The following MYO18B variants were observed in gnomAD, a reference collection of about 807,000 sequenced individuals.
MYO18B encodes myosin XVIIIB.
A neutral mutation model predicts 273.0 loss-of-function variants in MYO18B; 204 were observed. The observed-to-expected ratio is 0.75, with a 90% CI of 0.67 to 0.84. The LOEUF (loss-of-function observed/expected upper bound fraction) is 0.84, where lower values mean the gene tolerates loss of function less well. MYO18B is among the 40% of genes least tolerant of loss of function. The probability of loss-of-function intolerance (pLI) is 0.00; values close to 1 mark genes in which losing one functional copy is unlikely to be tolerated. For missense variants in MYO18B, 3,212 were observed against 3,287.6 expected, an observed-to-expected ratio of 0.98 and a Z score of 0.56; for synonymous variants, 1,330 against 1,305.7, an observed-to-expected ratio of 1.02 and a Z score of -0.40.
the MYO18B span, among the ~76,000 whole-genome samples, chr22:26,046,763 A>G: frequency 6.6e-6 from 1 of 152,248 alleles, no homozygotes; most frequent in Non-Finnish European, 1.5e-5. Context: ...CATTCCAAAT[A>G]AAAACAAAAT....
intron 36 of MYO18B, among the ~76,000 whole-genome samples, chr22:25,948,519 T>TCCTTCCTCCTTCCTTCCTTC (rs369829547): frequency 6.9e-4 from 6 of 8,736 alleles, no homozygotes; most frequent in Non-Finnish European, 4.0e-4. Context: ...TCTCTTTCCT[T>TCCTTCCTCCTTCCTTCCTTC]CTTTCTTTCT....
chr22:25,877,527 G>C (rs994949487), intron 24 of MYO18B, among the ~76,000 whole-genome samples: 1 of 152,124 alleles, frequency 6.6e-6, no homozygotes, highest in African/African-American at 2.4e-5. Context: ...GAGTGCAGTG[G>C]TGCTATCTCG....
At chr22:25,931,302 G>A (rs2092497079) in intron 34 of MYO18B, among the ~76,000 whole-genome samples, 1 of 152,216 alleles carries the variant, frequency 6.6e-6, no homozygotes, top group Admixed American at 6.5e-5. Flanking sequence ...AGTGGGAAGA[G>A]GCTGGTTTCA....
At chr22:25,904,558 A>G (rs1242021735) in intron 31 of MYO18B, among the ~76,000 whole-genome samples, 1 of 152,234 alleles carries the variant, frequency 6.6e-6, no homozygotes, top group African/African-American at 2.4e-5. Flanking sequence ...TTCGGGGCAG[A>G]TTGAAGTGCT....
intron 21 of MYO18B, among the ~76,000 whole-genome samples, chr22:25,857,139 A>G (rs922094145): frequency 5.3e-5 from 8 of 152,066 alleles, no homozygotes; most frequent in African/African-American, 1.4e-4. Flanking sequence ...ACCTACACCA[A>G]AGCCTACATA....
In MYO18B at chr22:25,768,238, G is replaced by A; in HGVS notation, c.322G>A (p.Glu108Lys). 6 of 1,614,014 alleles carry A rather than the reference G, an allele frequency of 3.7e-6. No homozygotes were observed. Among genetic ancestry groups the A allele is most frequent in the Non-Finnish European group, 4.2e-6 (5 of 1,179,904 alleles). Residue 108 changes from glutamate to lysine, a missense_variant, in exon 4 of 44, where the codon GAG (glutamate) becomes AAG (lysine). Physicochemically the swap from Glu to Lys is moderately conservative, Grantham distance 56. Transcript: ENST00000335473. ...SPGSSDILGKESEGSRSPDPE... is the reference protein window; with the variant it reads ...SPGSSDILGKKSEGSRSPDPE... ...TGGGAGCTCAGACATTCTGGGCAAG[G>A]AGAGCGAGGGGTCCCGCAGCCCCGA...
At chr22:25,970,539 C>T (rs2038687398) in intron 39 of MYO18B, among the ~76,000 whole-genome samples, 1 of 152,144 alleles carries the variant, frequency 6.6e-6, no homozygotes, top group Non-Finnish European at 1.5e-5. Context: ...CTGCATGTCA[C>T]CTCTGCCGCC....
chr22:25,961,716 AG>A, intron 39 of MYO18B, among the ~76,000 whole-genome samples: 1 of 152,302 alleles, frequency 6.6e-6, no homozygotes, highest in South Asian at 2.1e-4. Context: ...GCTGACGGGA[AG>A]GTCTGACTTC....
chr22:25,943,381 C>T (rs1249779829), intron 34 of MYO18B, among the ~76,000 whole-genome samples: 1 of 152,178 alleles, frequency 6.6e-6, no homozygotes, highest in Admixed American at 6.5e-5. Context: ...GCCCTATTTG[C>T]AATCTGGTCC....
At position 25,797,952 on chromosome 22, in the gene MYO18B, G is replaced by T; in HGVS notation, c.2377-1G>T. ...TTCTTCCTCTCTCCCTTTGCCCGCA[G>T]CCTGAAGATAAACAGAAGGCGGCAG... On this transcript the variant is annotated splice_acceptor_variant, in intron 11 of 43. Transcript: ENST00000335473. LOFTEE classifies it high-confidence loss of function. 1 of 1,614,014 alleles carries T rather than the reference G, an allele frequency of 6.2e-7. No homozygotes were observed.
intron 1 of MYO18B, among the ~76,000 whole-genome samples, chr22:25,744,819 C>T (rs887564708): frequency 2.0e-5 from 3 of 151,906 alleles, no homozygotes; most frequent in Non-Finnish European, 4.4e-5. Context: ...AGGGAGGATC[C>T]CCCTCCCCTC....
chr22:26,028,113 C>T (rs1384440414), intron 43 of MYO18B, among the ~76,000 whole-genome samples: 3 of 151,930 alleles, frequency 2.0e-5, no homozygotes, highest in East Asian at 1.9e-4. Context: ...GGTGTCTTGA[C>T]GGGCGCCTGT....
chr22:25,997,969 A>AC (rs1179612194), intron 40 of MYO18B, among the ~76,000 whole-genome samples: 5 of 125,674 alleles, frequency 4.0e-5, no homozygotes, highest in Non-Finnish European at 8.9e-5. Flanking sequence ...ACACACACAC[A>AC]CACACACACG....
chr22:25,855,374 C>T (rs2090540143), intron 21 of MYO18B, among the ~76,000 whole-genome samples: 1 of 150,400 alleles, frequency 6.6e-6, no homozygotes, highest in African/African-American at 2.4e-5. Context: ...AGCTCTGCCT[C>T]CCGGGTTCAC....
Position 25,772,341 on chromosome 22 carries a change from C to A in MYO18B, c.1700C>A (p.Pro567His). The change falls in exon 7 of 44, where the codon CCT becomes CAT. Residue 567 changes from proline to histidine, a missense_variant. Transcript: ENST00000335473. ...TGTGTGATGGTTTCACAGGCCAACC[C>A]TCCTGAGCTGGACCAGGTCGAGGAC... ...VDEEHVHRAN[P>H]PELDQVEDLA... The A allele has an allele frequency of 6.2e-7, 1 of 1,613,604 alleles. No homozygotes were observed. Among genetic ancestry groups the A allele is most frequent in the Non-Finnish European group, 8.5e-7 (1 of 1,179,666 alleles).
intron 7 of MYO18B, among the ~76,000 whole-genome samples, 155 bp from the exon 8 acceptor site, chr22:25,777,425 GCTC>G (rs1298454821): frequency 2.6e-5 from 4 of 152,232 alleles, no homozygotes; most frequent in Non-Finnish European, 2.9e-5. Flanking sequence ...TACAGGCTTG[GCTC>G]CTCCTAGTCG....
chr22:25,934,989 C>T (rs868563715), intron 34 of MYO18B, among the ~76,000 whole-genome samples: 3 of 151,868 alleles, frequency 2.0e-5, no homozygotes, highest in Non-Finnish European at 4.4e-5. Context: ...TGTGCACACA[C>T]GCGGTGTGTT....
intron 39 of MYO18B, among the ~76,000 whole-genome samples, chr22:25,973,779 C>T (rs535738876): frequency 1.3e-5 from 2 of 152,302 alleles, no homozygotes; most frequent in South Asian, 2.1e-4. Flanking sequence ...GTAATTGCCT[C>T]CCAGACTTCT....
At chr22:26,012,283 T>A (rs778900507) in intron 42 of MYO18B, among the ~76,000 whole-genome samples, 14 of 152,200 alleles carry the variant, frequency 9.2e-5, no homozygotes, top group Non-Finnish European at 1.3e-4. Flanking sequence ...AAAAAACAGC[T>A]CGTTCCCAAA....
Sources: gnomAD v4.1 joint callset for allele counts (sites outside exome capture counted in the v4.1 genomes callset) on GRCh38, gnomAD v4.1.1 for gene constraint, MANE v1.5 for transcripts, NCBI Gene and HGNC (gene_info 2026-07-23, HGNC 2026-07-21) for gene names.